SLC8A2: variants seen among roughly 807,000 people sequenced by gnomAD.
SLC8A2 encodes sodium/calcium exchanger 2.
In SLC8A2, 14 loss-of-function variants were observed where a neutral mutation model predicts 70.2. The observed-to-expected ratio is 0.20, with a 90% CI of 0.13 to 0.31. The LOEUF (loss-of-function observed/expected upper bound fraction) is 0.31, where lower values mean the gene tolerates loss of function less well. Among genes scored for constraint, SLC8A2 ranks in the 10% least tolerant of loss-of-function variants. SLC8A2 has a pLI of 1.00. For missense variants in SLC8A2, 779 were observed against 1,320.1 expected (o/e 0.59, Z 6.35); for synonymous variants, 575 against 594.3 (o/e 0.97, Z 0.47).
In SLC8A2 at chr19:47,428,367, GGA is replaced by G. The variant is rs1966901171; in HGVS notation, c.*1720_*1721del. ...ACCCACGACTGACGAATGGGGGCAT[GGA>G]GAGTGGAGGTGCGTGGCTTGTGGAA... On this transcript the variant is annotated 3_prime_UTR_variant, in exon 10 of 10. Coordinates refer to ENST00000236877, the MANE Select transcript of SLC8A2 (RefSeq NM_015063.3). 6.6e-6 allele frequency: 1 copy of G among 151,306 alleles called. No homozygotes were observed. Among genetic ancestry groups the G allele is most frequent in the African/African-American group, 2.4e-5 (1 of 41,036 alleles). The allele number at this position is 151,306 out of a possible 1,614,324, so 9.4% of individuals were successfully genotyped here. A position where few individuals can be genotyped will look rare whatever the true frequency, so the allele number is the denominator to read the frequency against.
At position 47,429,529 on chromosome 19, in the gene SLC8A2, T is replaced by A. The variant is rs1467640459; in HGVS notation, c.*560A>T. 13 of 154,376 alleles carry A rather than the reference T, an allele frequency of 8.4e-5. No individual in the cohort carries two copies. The highest frequency in any genetic ancestry group is 3.1e-4 in the African/African-American group (13 of 41,568). 9.6% of individuals were successfully genotyped at this position (154,376 alleles called of 1,614,324 possible). A position where few individuals can be genotyped will look rare whatever the true frequency, so the allele number is the denominator to read the frequency against. On this transcript the variant is annotated 3_prime_UTR_variant, in exon 10 of 10. Transcript: ENST00000236877. Reference sequence around the variant, plus strand: ...TTGGAAGGAACGGTGTGCGGCCTCCTTGCGCGCACACCCACCCGCTCCTCC... The same window carrying A: ...TTGGAAGGAACGGTGTGCGGCCTCCATGCGCGCACACCCACCCGCTCCTCC...
At position 47,465,908 on chromosome 19, in the gene SLC8A2, C is replaced by T; in HGVS notation, c.496G>A (p.Val166Met). Residue 166 changes from valine to methionine, a missense_variant, in exon 2 of 10, where the codon GTG becomes ATG. Val to Met is a conservative substitution (Grantham distance 21). Coordinates refer to ENST00000236877, the MANE Select transcript of SLC8A2 (RefSeq NM_015063.3). This position sits in a 1 kb window ranked among gnomAD's most constrained non-coding sequence, Gnocchi z 5.5. ...AACATGTTGAAGGCAGCGCTGCCCA[C>T]GATGGTGCCTGGGCCCAGCTCACCC... Reference protein sequence around the residue: ...QAGELGPGTIVGSAAFNMFVV... With the variant: ...QAGELGPGTIMGSAAFNMFVV... 1.9e-6 allele frequency: 3 copies of T among 1,614,124 alleles called. No individual in the cohort carries two copies. Among genetic ancestry groups the T allele is most frequent in the Non-Finnish European group, 2.5e-6 (3 of 1,180,038 alleles).
chr19:47,456,795 G>A (rs759933761), intron 3 of SLC8A2, 135 bp downstream of exon 3: 33 of 932,578 alleles, frequency 3.5e-5, no homozygotes, highest in Admixed American at 3.3e-5. Context: ...AGGCTCTCAG[G>A]AATGAATGAA....
chr19:47,464,180 C>T (rs764103951), intron 2 of SLC8A2, among the ~76,000 whole-genome samples: 21 of 152,138 alleles, frequency 1.4e-4, no homozygotes, highest in African/African-American at 3.6e-4. Context: ...GGGGCCACCT[C>T]GGCTCACTGC....
chr19:47,462,339 A>G (rs2122650279), intron 2 of SLC8A2, among the ~76,000 whole-genome samples: 1 of 152,022 alleles, frequency 6.6e-6, no homozygotes, highest in South Asian at 2.1e-4. Flanking sequence ...ATCTCGGCTT[A>G]CCGCAACCTC....
intron 2 of SLC8A2, among the ~76,000 whole-genome samples, chr19:47,462,586 CT>C (rs542630404): frequency 0.016 from 1,883 of 117,364 alleles, 32 homozygotes; most frequent in African/African-American, 0.045. Flanking sequence ...TTTTAAATTT[CT>C]TTTTTTTTTT....
At chr19:47,460,436 G>A (rs373778882) in intron 2 of SLC8A2, among the ~76,000 whole-genome samples, 13 of 152,150 alleles carry the variant, frequency 8.5e-5, no homozygotes, top group African/African-American at 2.2e-4. Flanking sequence ...GGTGGCTCAC[G>A]CCTGTAATCC....
intron 2 of SLC8A2, among the ~76,000 whole-genome samples, chr19:47,463,766 T>C (rs562520846): frequency 6.6e-5 from 10 of 151,982 alleles, no homozygotes; most frequent in African/African-American, 2.2e-4. Context: ...GCCAAATGCA[T>C]AGGGGAGTTT....
chr19:47,433,657 T>TC (rs1470400611), intron 8 of SLC8A2, among the ~76,000 whole-genome samples: 4 of 151,550 alleles, frequency 2.6e-5, no homozygotes, highest in African/African-American at 9.8e-5. Flanking sequence ...CAGTGACTTT[T>TC]TTTTTTTTTT....
In SLC8A2 at chr19:47,447,672, G is replaced by T; in HGVS notation, c.1763+137C>A. The T allele has an allele frequency of 3.4e-6, 3 of 886,740 alleles. No individual in the cohort carries two copies. Among genetic ancestry groups the T allele is most frequent in the African/African-American group, 1.9e-5 (1 of 52,372 alleles). 54.9% of individuals were successfully genotyped at this position (886,740 alleles called of 1,614,324 possible). A position where few individuals can be genotyped will look rare whatever the true frequency, so the allele number is the denominator to read the frequency against. The stretch of plus-strand genomic sequence containing the variant: ...CCACGTTGCGGGCACGGCCACGCAG[G>T]CCCCTCCCCTCCCGAGGCCCAACCA... On this transcript the variant is annotated intron_variant, in intron 4 of 9. Transcript: ENST00000236877. This position sits in a 1 kb window ranked among gnomAD's most constrained non-coding sequence, Gnocchi z 5.1.
In SLC8A2 at chr19:47,466,229, C is replaced by T. The variant is rs762220350; in HGVS notation, c.175G>A (p.Glu59Lys). The T allele has an allele frequency of 3.1e-6, 5 of 1,606,938 alleles. No homozygotes were observed. The African/African-American group carries it at 6.7e-5, about 21-fold the overall frequency. The part of the protein sequence containing the change: ...CQPGVLLPVW[E>K]PDDPSLGDKA... Reference sequence around the variant, plus strand: ...TCACCCAGCGACGGGTCGTCGGGCTCCCACACGGGCAGCAGCACCCCCGGC... The same window carrying T: ...TCACCCAGCGACGGGTCGTCGGGCTTCCACACGGGCAGCAGCACCCCCGGC... Residue 59 changes from glutamate to lysine, a missense_variant, in exon 2 of 10, where the codon GAG (glutamate) becomes AAG (lysine). Physicochemically the swap from Glu to Lys is moderately conservative, Grantham distance 56 (BLOSUM62 1). This residue lies in a region of SLC8A2 where 155 missense variants were observed against 318.6 expected (regional missense o/e 0.49). Transcript: ENST00000236877. The surrounding 1 kb of genome is among the most constrained non-coding windows in gnomAD (Gnocchi z 6.9).
At chr19:47,444,495 G>A (rs547729829) in intron 4 of SLC8A2, among the ~76,000 whole-genome samples, 1 of 152,266 alleles carries the variant, frequency 6.6e-6, no homozygotes, top group South Asian at 2.1e-4. Flanking sequence ...TGAGCTGTCC[G>A]CGGTGCTGAA....
chr19:47,434,238 T>G (rs1266224215), intron 8 of SLC8A2, among the ~76,000 whole-genome samples: 3 of 152,214 alleles, frequency 2.0e-5, no homozygotes, highest in African/African-American at 4.8e-5. Context: ...CTGCCTGCCC[T>G]GCTTCAAATC....
chr19:47,454,607 G>A (rs1198056871), intron 3 of SLC8A2, among the ~76,000 whole-genome samples: 2 of 152,126 alleles, frequency 1.3e-5, no homozygotes, highest in Admixed American at 1.3e-4. Context: ...AGCCAGGAAG[G>A]CTGGGGTGGG....
Position 47,465,270 on chromosome 19 carries a change from G to T in SLC8A2, c.675+459C>A, listed in dbSNP as rs185776756. Among the ~76,000 whole-genome samples the T allele has an allele frequency of 3.2e-4, 48 of 152,312 alleles. No homozygotes were observed. Among genetic ancestry groups the T allele is most frequent in the South Asian group, 2.1e-4 (1 of 4,832 alleles). On this transcript the variant is annotated intron_variant, in intron 2 of 9. Transcript: ENST00000236877. The surrounding 1 kb of genome is among the most constrained non-coding windows in gnomAD (Gnocchi z 5.5). ...TATGCAAGGGTAGTATGAATTATGC[G>T]AATGGAGGATGTCTTATTGCAAAAG... is the stretch of plus-strand genomic sequence containing the variant.
At position 47,428,034 on chromosome 19, in the gene SLC8A2, A is replaced by T. The variant is rs1966896118; in HGVS notation, c.*2055T>A. ...TCCTCCTGTAGGATCTGAGAAAATTACTTGCTTTATTTAGGAAACCCCATC... is the reference window on the plus strand; with the variant it reads ...TCCTCCTGTAGGATCTGAGAAAATTTCTTGCTTTATTTAGGAAACCCCATC... On this transcript the variant is annotated 3_prime_UTR_variant, in exon 10 of 10. Transcript: ENST00000236877. The T allele has an allele frequency of 6.6e-6, 1 of 152,100 alleles. No homozygotes were observed. Among genetic ancestry groups the T allele is most frequent in the Non-Finnish European group, 1.5e-5 (1 of 68,054 alleles). 9.4% of individuals were successfully genotyped at this position (152,100 alleles called of 1,614,324 possible). A position where few individuals can be genotyped will look rare whatever the true frequency, so the allele number is the denominator to read the frequency against.
In SLC8A2 at chr19:47,447,605, TG is replaced by T; in HGVS notation, c.1763+203del. The stretch of plus-strand genomic sequence containing the variant: ...TCCTCCTGAGGGCCCAGCTGTTCAG[TG>T]AAGCCCCGCCCACGTCGTGGGCATG... On this transcript the variant is annotated intron_variant, in intron 4 of 9. Coordinates refer to ENST00000236877, the MANE Select transcript of SLC8A2 (RefSeq NM_015063.3). This position sits in a 1 kb window ranked among gnomAD's most constrained non-coding sequence, Gnocchi z 5.1. 1.9e-6 allele frequency: 1 copy of T among 538,042 alleles called. No individual in the cohort carries two copies. The highest frequency in any genetic ancestry group is 3.2e-6 in the Non-Finnish European group (1 of 312,408). 33.3% of individuals were successfully genotyped at this position (538,042 alleles called of 1,614,324 possible).
intron 3 of SLC8A2, among the ~76,000 whole-genome samples, chr19:47,454,507 GAGC>G (rs1231225153): frequency 6.6e-6 from 1 of 151,892 alleles, no homozygotes; most frequent in African/African-American, 2.4e-5. Context: ...ACTCAGGCTG[GAGC>G]ACAGCACACC....
chr19:47,469,270 G>A (rs1463854535), intron 1 of SLC8A2, among the ~76,000 whole-genome samples: 1 of 152,048 alleles, frequency 6.6e-6, no homozygotes, highest in Admixed American at 6.6e-5. Flanking sequence ...AACAACTTAG[G>A]CATAATTACA....
Sources: gnomAD v4.1 joint callset for allele counts (sites outside exome capture counted in the v4.1 genomes callset) on GRCh38, gnomAD v4.1.1 for gene constraint, gnomAD v4.1.1 regional missense constraint, Gnocchi (gnomAD v3.1) non-coding constraint, MANE v1.5 for transcripts, NCBI Gene and HGNC (gene_info 2026-07-23, HGNC 2026-07-21) for gene names.